Variants in NXN observed in about 807,000 individuals in gnomAD.
NXN encodes the protein nucleoredoxin 1.
Under a neutral mutation model 48.6 loss-of-function variants are expected in NXN, and 16 were observed. That is an observed-to-expected ratio of 0.33 (90% CI 0.22 to 0.50). The LOEUF is 0.50. Ranked by LOEUF, NXN falls within the 20% of genes least tolerant of loss-of-function variation. The probability of loss-of-function intolerance (pLI) is 0.98; values close to 1 mark genes in which losing one functional copy is unlikely to be tolerated. For missense variants in NXN, 492 were observed against 605.5 expected, an observed-to-expected ratio of 0.81 and a Z score of 1.97; for synonymous variants, 281 against 269.6, an observed-to-expected ratio of 1.04 and a Z score of -0.41.
At chr17:804,169 C>G (rs1188507552) in intron 6 of NXN, among the ~76,000 whole-genome samples, 6 of 152,150 alleles carry the variant, frequency 3.9e-5, no homozygotes, top group Non-Finnish European at 8.8e-5. Flanking sequence ...TTTCTCTCAG[C>G]CACAGAATGA....
chr17:947,875 C>T (rs539023244), intron 1 of NXN, among the ~76,000 whole-genome samples: 138 of 92,014 alleles, frequency 1.5e-3, no homozygotes, highest in Non-Finnish European at 3.0e-3. Context: ...TCCGTCTCTA[C>T]TGAAATACAA....
At chr17:841,620 A>ACACC (rs1464007261) in intron 1 of NXN, among the ~76,000 whole-genome samples, 2 of 119,190 alleles carry the variant, frequency 1.7e-5, no homozygotes, top group African/African-American at 7.2e-5. Context: ...AGAGCATCTC[A>ACACC]CACGGGCAAG....
At chr17:817,993 T>G (rs1912575046) in intron 5 of NXN, among the ~76,000 whole-genome samples, 1 of 152,190 alleles carries the variant, frequency 6.6e-6, no homozygotes, top group Non-Finnish European at 1.5e-5. Flanking sequence ...GTGCAGTGGC[T>G]CACGCCTGTC....
At chr17:818,678 G>C (rs1042308491) in intron 5 of NXN, among the ~76,000 whole-genome samples, 2 of 152,124 alleles carry the variant, frequency 1.3e-5, no homozygotes, top group African/African-American at 4.8e-5. Flanking sequence ...GAGGTCAAGA[G>C]ATCGAGACCA....
intron 1 of NXN, among the ~76,000 whole-genome samples, chr17:900,450 T>C (rs1483231421): frequency 6.6e-6 from 1 of 152,060 alleles, no homozygotes; most frequent in African/African-American, 2.4e-5. Flanking sequence ...CCCCACCAGA[T>C]TCCCACCTCT....
chr17:813,093 C>T (rs1471335092), intron 5 of NXN, among the ~76,000 whole-genome samples: 1 of 152,244 alleles, frequency 6.6e-6, no homozygotes, highest in African/African-American at 2.4e-5. Flanking sequence ...CTGAATGACA[C>T]TGGAAGCCGT....
intron 5 of NXN, among the ~76,000 whole-genome samples, chr17:806,714 C>T (rs577238563): frequency 2.6e-4 from 40 of 152,328 alleles, no homozygotes; most frequent in Middle Eastern, 3.4e-3. Context: ...CCTTCCCTGT[C>T]GGGGGGATGC....
rs1392179826 is a variant in NXN, at chr17:959,321, G to C, written c.360+19998C>G. 16 of 269,782 alleles carry C rather than the reference G, an allele frequency of 5.9e-5. No homozygotes were observed. The Admixed American group carries it at 8.3e-4, about 14-fold the overall frequency. The allele number at this position is 269,782 out of a possible 1,614,324, so 16.7% of individuals were successfully genotyped here. ...TCACAGCTCTGTAGGCCCCTCCCAG[G>C]CCCGCGACACTCCAAGGAGGGCTGG... On this transcript the variant is annotated intron_variant, in intron 1 of 7. Coordinates refer to ENST00000336868, the MANE Select transcript of NXN (RefSeq NM_022463.5).
chr17:820,932 A>AC (rs1912792342), intron 4 of NXN, among the ~76,000 whole-genome samples: 1 of 67,894 alleles, frequency 1.5e-5, no homozygotes, highest in African/African-American at 9.0e-5. Flanking sequence ...TAAAAAAAAA[A>AC]AAAAAAACAA....
chr17:810,762 C>G (rs551935248), intron 5 of NXN, among the ~76,000 whole-genome samples: 49 of 152,106 alleles, frequency 3.2e-4, no homozygotes, highest in Admixed American at 1.1e-3. Flanking sequence ...GGTAGCGCAC[C>G]CCTGTACTCC....
chr17:892,974 C>T (rs184977929), intron 1 of NXN, among the ~76,000 whole-genome samples: 5 of 152,340 alleles, frequency 3.3e-5, no homozygotes, highest in East Asian at 3.9e-4. Context: ...ACCTGGAGGG[C>T]AAGGGAGGGG....
intron 1 of NXN, among the ~76,000 whole-genome samples, chr17:836,588 C>T (rs1913836714): frequency 6.6e-6 from 1 of 152,184 alleles, no homozygotes; most frequent in Admixed American, 6.5e-5. Context: ...GGTTACTCAG[C>T]ACAGGTTCCG....
chr17:823,022 C>T (rs1008547070), intron 3 of NXN, among the ~76,000 whole-genome samples: 2 of 151,914 alleles, frequency 1.3e-5, no homozygotes, highest in Admixed American at 1.3e-4. Context: ...ATCACTTGAA[C>T]CCGGGAGACA....
chr17:809,895 GT>G (rs1911821105), intron 5 of NXN, among the ~76,000 whole-genome samples: 4 of 149,242 alleles, frequency 2.7e-5, no homozygotes, highest in Admixed American at 1.3e-4. Flanking sequence ...TACGTTAAGA[GT>G]CCCTGTGAGT....
chr17:846,893 A>C (rs1356482589), intron 1 of NXN, among the ~76,000 whole-genome samples: 1 of 152,196 alleles, frequency 6.6e-6, no homozygotes, highest in Non-Finnish European at 1.5e-5. Context: ...CAATGAATTA[A>C]AGAATAAAAG....
chr17:804,924 A>C, intron 6 of NXN, 144 bp downstream of exon 6: 2 of 879,188 alleles, frequency 2.3e-6, no homozygotes, highest in Admixed American at 5.0e-5. Flanking sequence ...TGGGGTCAAA[A>C]GCAAGGCTTC....
rs398058506 is a variant in NXN, at chr17:970,945, CT to C, written c.360+8373del. On this transcript the variant is annotated intron_variant, in intron 1 of 7. Transcript: ENST00000336868. ...ATGACAGGTCTGCAGATATGAGACT[CT>C]TTTTTTTTTTTTTTTTTGACACGGA... Among the ~76,000 whole-genome samples the C allele has an allele frequency of 3.7e-3, 489 of 133,958 alleles. 1 individual carries two copies. The highest frequency in any genetic ancestry group is 3.9e-3 in the African/African-American group (138 of 35,608). The allele number at this position is 133,958 out of a possible 152,430, so 87.9% of individuals were successfully genotyped here. A position where few individuals can be genotyped will look rare whatever the true frequency, so the allele number is the denominator to read the frequency against.
In NXN at chr17:841,532, TGGAGCATCTCACGCCGGCGAGCAGGTCCC is replaced by T. The variant is rs1567827791; in HGVS notation, c.361-15483_361-15455del. On this transcript the variant is annotated intron_variant, in intron 1 of 7. Transcript: ENST00000336868. ...ACGGGCGAGCAGGTCCCCCCGACCA[TGGAGCATCTCACGCCGGCGAGCAGGTCCC>T]CCCTGACCACGGAGCATCTCACGCC... Among the ~76,000 whole-genome samples the T allele has an allele frequency of 9.7e-4, 10 of 10,314 alleles. 1 individual carries two copies. Among genetic ancestry groups the T allele is most frequent in the East Asian group, 8.0e-3 (3 of 376 alleles). The allele number at this position is 10,314 out of a possible 152,430, so 6.8% of individuals were successfully genotyped here.
intron 5 of NXN, among the ~76,000 whole-genome samples, chr17:818,895 A>AG (rs769364362): frequency 3.3e-5 from 5 of 151,480 alleles, no homozygotes; most frequent in South Asian, 2.1e-4. Context: ...AAAAAAAAAA[A>AG]GAAATGCACC....
Sources: allele counts gnomAD v4.1 joint callset (sites outside exome capture counted in the v4.1 genomes callset), GRCh38; gene constraint gnomAD v4.1.1; transcripts MANE v1.5; gene names NCBI Gene and HGNC (gene_info 2026-07-23, HGNC 2026-07-21).